The following ARHGAP4 variants were observed in gnomAD, a reference collection of about 807,000 sequenced individuals.
ARHGAP4 encodes the protein rho GTPase-activating protein 4.
Under a neutral mutation model 67.6 loss-of-function variants are expected in ARHGAP4, and 25 were observed. The observed-to-expected ratio is 0.37, with a 90% confidence interval of 0.27 to 0.52. The LOEUF (loss-of-function observed/expected upper bound fraction) is 0.52, where lower values mean the gene tolerates loss of function less well. ARHGAP4 is among the 20% of genes least tolerant of loss of function. ARHGAP4 has a pLI of 0.92. For synonymous variants in ARHGAP4, 448 were observed against 373.7 expected (o/e 1.20, Z -2.29); for missense variants, 804 against 854.6 (o/e 0.94, Z 0.74).
At position 153,913,102 on chromosome X, in the gene ARHGAP4, G is replaced by A. The variant is rs782302298; in HGVS notation, c.1412-51C>T. ...GCCTCTCGGGCCAGGGGTCTTCAAG[G>A]CATCCCAGAGAGAAAGGTGTGGATA... is the stretch of plus-strand genomic sequence containing the variant. On this transcript the variant is annotated intron_variant, in intron 10 of 21. Transcript: ENST00000350060. 4.3e-6 allele frequency: 5 copies of A among 1,170,472 alleles called. No homozygotes were observed. In the Admixed American group the frequency reaches 7.6e-5, roughly 18 times the overall value.
chrX:153,921,221 G>C, intron 3 of ARHGAP4, 62 bp from the exon 4 acceptor site: 1 of 1,178,934 alleles, frequency 8.5e-7, no homozygotes, highest in Non-Finnish European at 1.1e-6. Context: ...GGCACTGGAA[G>C]CTCTGCCCAG....
At position 153,909,722 on chromosome X, in the gene ARHGAP4, G is replaced by A. The variant is rs781786119; in HGVS notation, c.2414+19C>T. 8.5e-7 allele frequency: 1 copy of A among 1,172,792 alleles called. No individual in the cohort carries two copies. Among genetic ancestry groups the A allele is most frequent in the East Asian group, 3.0e-5 (1 of 33,162 alleles). On this transcript the variant is annotated intron_variant, in intron 19 of 21. Transcript: ENST00000350060. Reference sequence around the variant, plus strand: ...GGAGACTCCGGGAGCCCTGGGGCCTGAGGGCGCGGCTCACTCACCCGGCGG... The same window carrying A: ...GGAGACTCCGGGAGCCCTGGGGCCTAAGGGCGCGGCTCACTCACCCGGCGG...
intron 5 of ARHGAP4, among the ~76,000 whole-genome samples, chrX:153,920,132 C>T (rs1367194361): frequency 4.5e-5 from 5 of 111,954 alleles, no homozygotes; most frequent in African/African-American, 6.5e-5. Flanking sequence ...TCCCCCAACA[C>T]AGCCAAACTC....
At chrX:153,908,970 G>A (rs1239678933) in intron 21 of ARHGAP4, 100 bp downstream of exon 21, 2 of 895,517 alleles carry the variant, frequency 2.2e-6, no homozygotes, top group Non-Finnish European at 3.2e-6. Context: ...GCCAGGGAGG[G>A]CAACGACTGG....
intron 12 of ARHGAP4, among the ~76,000 whole-genome samples, chrX:153,912,399 A>AG (rs2065027352): frequency 8.9e-6 from 1 of 111,846 alleles, no homozygotes; most frequent in African/African-American, 3.3e-5. Flanking sequence ...CAGGACCCCC[A>AG]GTACCATGCT....
chrX:153,923,529 C>T (rs1405793197), intron 1 of ARHGAP4, among the ~76,000 whole-genome samples: 1 of 112,220 alleles, frequency 8.9e-6, no homozygotes, highest in Non-Finnish European at 1.9e-5. Context: ...AGGAGCCTGA[C>T]CCTTCCAATT....
chrX:153,910,308 C>T lies in ARHGAP4; in HGVS notation c.2019G>A (p.Pro673=), dbSNP rs781867226. The T allele has an allele frequency of 1.7e-5, 20 of 1,208,249 alleles. No individual in the cohort carries two copies. Among genetic ancestry groups the T allele is most frequent in the African/African-American group, 5.2e-5 (3 of 57,405 alleles). The change falls in exon 17 of 22, where the codon CCG becomes CCA. Residue 673 remains proline, a synonymous_variant. Coordinates refer to ENST00000350060, the MANE Select transcript of ARHGAP4 (RefSeq NM_001666.5). ...GGTTCACCCGGCCCTGCAGCGCCAC[C>T]GGGTCCTGCCCAGCGGGCACCGGTA... ...TLLPVPAGQD[P]VALQGRVNQL...
intron 7 of ARHGAP4, among the ~76,000 whole-genome samples, chrX:153,917,173 G>A (rs1159730280): frequency 1.8e-5 from 2 of 111,343 alleles, no homozygotes; most frequent in Non-Finnish European, 3.8e-5. Flanking sequence ...CCGACATTGC[G>A]CCACTGCACT....
intron 1 of ARHGAP4, 78 bp downstream of exon 1, chrX:153,926,058 C>G: frequency 8.7e-7 from 1 of 1,145,701 alleles, no homozygotes; most frequent in African/African-American, 1.8e-5. Context: ...CCTGGGCCAG[C>G]GCGGGGACGC....
At position 153,913,410 on chromosome X, in the gene ARHGAP4, G is replaced by A. The variant is rs1415023646; in HGVS notation, c.1325C>T (p.Thr442Met). Residue 442 changes from threonine (T) to methionine (M), a missense_variant and splice_region_variant, in exon 9 of 22, where the codon ACG (threonine) becomes ATG (methionine). By Grantham distance (81) the Thr-to-Met change is moderately conservative. Transcript: ENST00000350060. ...GCCCACCAGCCCAGCCCTCCCCACC[G>A]TGAGGTAGAAGGTTTCGGTCTCCTG... ...QQQETETFYL[T>M]KLQEYLSGRS... is the part of the protein sequence containing the mutation. 67 of 1,207,505 alleles carry A rather than the reference G, an allele frequency of 5.5e-5. No individual in the cohort carries two copies. Among genetic ancestry groups the A allele is most frequent in the Non-Finnish European group, 7.5e-5 (67 of 893,301 alleles).
At chrX:153,909,702 C>T in intron 19 of ARHGAP4, 39 bp downstream of exon 19, 1 of 1,152,857 alleles carries the variant, frequency 8.7e-7, no homozygotes, top group South Asian at 2.0e-5. Flanking sequence ...GAAGGGGAGA[C>T]TCCGGGAGCC....
chrX:153,924,763 C>T (rs1188185478), intron 1 of ARHGAP4, among the ~76,000 whole-genome samples: 1 of 112,101 alleles, frequency 8.9e-6, no homozygotes, highest in Non-Finnish European at 1.9e-5. Flanking sequence ...GAATCCATGT[C>T]TGCCTGAATT....
chrX:153,909,721 T>C lies in ARHGAP4; in HGVS notation c.2414+20A>G. The C allele has an allele frequency of 8.5e-7, 1 of 1,171,284 alleles. No individual in the cohort carries two copies. The highest frequency in any genetic ancestry group is 1.1e-6 in the Non-Finnish European group (1 of 875,418). On this transcript the variant is annotated intron_variant, in intron 19 of 21. Transcript: ENST00000350060. ...GGGAGACTCCGGGAGCCCTGGGGCCTGAGGGCGCGGCTCACTCACCCGGCG... is the reference window on the plus strand; with the variant it reads ...GGGAGACTCCGGGAGCCCTGGGGCCCGAGGGCGCGGCTCACTCACCCGGCG...
At position 153,910,841 on chromosome X, in the gene ARHGAP4, A is replaced by G; in HGVS notation, c.1682-7T>C. The G allele has an allele frequency of 8.4e-7, 1 of 1,189,918 alleles. No individual in the cohort carries two copies. The highest frequency in any genetic ancestry group is 1.1e-6 in the Non-Finnish European group (1 of 884,070). ...TCCACCAGTGGGTCCTCCCCTGCAG[A>G]TGGGCGAGTGGTGCGGTAGGGGGAG... On this transcript the variant is annotated splice_polypyrimidine_tract_variant and splice_region_variant and intron_variant, in intron 14 of 21. Transcript: ENST00000350060.
At chrX:153,923,222 C>T (rs1344375437) in intron 1 of ARHGAP4, among the ~76,000 whole-genome samples, 1 of 110,663 alleles carries the variant, frequency 9.0e-6, no homozygotes, top group Non-Finnish European at 1.9e-5. Flanking sequence ...CTGTGCTAGT[C>T]CAGGCAAAAG....
Position 153,909,915 on chromosome X carries a change from C to T in ARHGAP4, c.2240G>A (p.Gly747Glu), listed in dbSNP as rs377302122. The change falls in exon 19 of 22, where the codon GGG (glycine) becomes GAG (glutamate). Residue 747 changes from glycine (G) to glutamate (E), a missense_variant. By Grantham distance (98) the Gly-to-Glu change is moderately conservative (BLOSUM62 -2). This residue lies in a region of ARHGAP4 where 400 missense variants were observed against 348.7 expected (regional missense o/e 1.15). Coordinates refer to ENST00000350060, the MANE Select transcript of ARHGAP4 (RefSeq NM_001666.5). ...EMPAQEDDLE[G>E]VVEAVACFAY... ...AAAGCAGGCCACAGCCTCCACGACCCCCTCCAGGTCTGGGGAGGAGAGGGG... is the reference window on the plus strand; with the variant it reads ...AAAGCAGGCCACAGCCTCCACGACCTCCTCCAGGTCTGGGGAGGAGAGGGG... 6.4e-5 allele frequency: 77 copies of T among 1,205,087 alleles called. No homozygotes were observed. Among genetic ancestry groups the T allele is most frequent in the Non-Finnish European group, 8.3e-5 (74 of 892,950 alleles).
At chrX:153,921,200 C>T (rs376002495) in intron 3 of ARHGAP4, 41 bp from the exon 4 acceptor site, 16 of 1,182,079 alleles carry the variant, frequency 1.4e-5, no homozygotes, top group African/African-American at 5.3e-5. Context: ...CTGCCCAGAG[C>T]GGCCCCGCCA....
chrX:153,925,410 G>T (rs912136967), intron 1 of ARHGAP4, among the ~76,000 whole-genome samples: 2 of 112,288 alleles, frequency 1.8e-5, no homozygotes, highest in Non-Finnish European at 3.8e-5. Flanking sequence ...AGAGTGATAT[G>T]GACGAGCTGC....
intron 7 of ARHGAP4, among the ~76,000 whole-genome samples, chrX:153,915,133 A>G (rs1250676314): frequency 3.6e-5 from 4 of 111,060 alleles, no homozygotes; most frequent in Non-Finnish European, 7.6e-5. Context: ...CAGTCACAGA[A>G]AGGCCCGCAC....
Sources: allele counts gnomAD v4.1 joint callset (sites outside exome capture counted in the v4.1 genomes callset), GRCh38; gene constraint gnomAD v4.1.1; regional missense constraint gnomAD v4.1.1; transcripts MANE v1.5; gene names NCBI Gene and HGNC (gene_info 2026-07-23, HGNC 2026-07-21).